LGALS8: variants seen among roughly 807,000 people sequenced by gnomAD.
LGALS8 encodes the protein galectin-8.
In LGALS8, 30 loss-of-function variants were observed where a neutral mutation model predicts 35.9. That is an observed-to-expected ratio of 0.83 (90% CI 0.62 to 1.13). The LOEUF (loss-of-function observed/expected upper bound fraction) is 1.13, where lower values mean the gene tolerates loss of function less well. Among genes scored for constraint, LGALS8 ranks in the 50% most tolerant of loss-of-function variants. LGALS8 has a pLI of 0.00. For missense variants in LGALS8, 366 were observed against 388.7 expected (o/e 0.94, Z 0.49); for synonymous variants, 138 against 136.1 (o/e 1.01, Z -0.10).
intron 5 of LGALS8, chr1:236,541,160 G>A (rs1572013000): frequency 6.2e-6 from 1 of 160,010 alleles, no homozygotes; most frequent in South Asian, 1.9e-4. Context: ...TCCTGCTCTG[G>A]TTGCCTACAG....
At chr1:236,518,240 C>G (rs1283695192), upstream of LGALS8, 1 of 152,130 alleles carries the variant, frequency 6.6e-6, no homozygotes, top group Non-Finnish European at 1.5e-5. Context: ...GTTTCTCCCA[C>G]CTGAAAAGAC....
In LGALS8 at chr1:236,524,020, A is replaced by G; in HGVS notation, c.-145A>G. The G allele has an allele frequency of 2.3e-6, 1 of 428,378 alleles. No individual in the cohort carries two copies. Among genetic ancestry groups the G allele is most frequent in the Non-Finnish European group, 4.7e-6 (1 of 212,108 alleles). The allele number at this position is 428,378 out of a possible 1,614,324, so 26.5% of individuals were successfully genotyped here. ...ACCCTGACGGCACTTAGCTGCTGAC[A>G]AACAACCTGCTCCGTGGAGCGCCTG... On this transcript the variant is annotated 5_prime_UTR_variant, in exon 1 of 10. Transcript: ENST00000366584.
Position 236,544,733 on chromosome 1 carries a change from T to A in LGALS8, c.639-17T>A, listed in dbSNP as rs1558167936. 6.6e-7 allele frequency: 1 copy of A among 1,518,044 alleles called. No individual in the cohort carries two copies. Among genetic ancestry groups the A allele is most frequent in the Non-Finnish European group, 8.9e-7 (1 of 1,121,938 alleles). The allele number at this position is 1,518,044 out of a possible 1,614,324, so 94.0% of individuals were successfully genotyped here. On this transcript the variant is annotated splice_polypyrimidine_tract_variant and intron_variant, in intron 8 of 9. Transcript: ENST00000366584. ...CTTGGTTAATTAAGGTTTTTTTTTTTCTTTCTTTCTCAAAAGCTTTAATGT... is the reference window on the plus strand; with the variant it reads ...CTTGGTTAATTAAGGTTTTTTTTTTACTTTCTTTCTCAAAAGCTTTAATGT...
chr1:236,542,869 C>T, intron 7 of LGALS8, 82 bp downstream of exon 7: 10 of 1,614,096 alleles, frequency 6.2e-6, no homozygotes, highest in Non-Finnish European at 8.5e-6. Context: ...CCGTGGAGGG[C>T]AGCTTCATTC....
At position 236,548,315 on chromosome 1, in the gene LGALS8, T is replaced by A. The variant is rs572714860; in HGVS notation, c.*154T>A. The A allele has an allele frequency of 2.5e-4, 175 of 707,062 alleles. No individual in the cohort carries two copies. The African/African-American group carries it at 2.8e-3, about 11-fold the overall frequency. 43.8% of individuals were successfully genotyped at this position (707,062 alleles called of 1,614,324 possible). On this transcript the variant is annotated 3_prime_UTR_variant, in exon 10 of 10. Coordinates refer to ENST00000366584, the MANE Select transcript of LGALS8 (RefSeq NM_201544.4). ...TGCTGGGTGTTCTCAGTCCTTGCCA[T>A]GAAGTATGGTGGTGTCTAGCACTGA... is the stretch of plus-strand genomic sequence containing the variant.
intron 2 of LGALS8, among the ~76,000 whole-genome samples, chr1:236,529,304 G>A (rs1184467950): frequency 2.0e-5 from 3 of 151,900 alleles, no homozygotes; most frequent in Admixed American, 1.3e-4. Context: ...GTCAGAGTCC[G>A]GGTGCTGCGG....
chr1:236,542,987 G>A, intron 7 of LGALS8, 200 bp downstream of exon 7: 2 of 1,614,158 alleles, frequency 1.2e-6, no homozygotes, highest in Non-Finnish European at 1.7e-6. Flanking sequence ...AGATTCGACT[G>A]TCAATCACAC....
chr1:236,527,120 T>TAACAACAAC (rs3834090), intron 2 of LGALS8, among the ~76,000 whole-genome samples: 9 of 151,372 alleles, frequency 5.9e-5, no homozygotes, highest in Non-Finnish European at 1.3e-4. Context: ...GCAAAGATCT[T>TAACAACAAC]AACAACAACA....
intron 9 of LGALS8, among the ~76,000 whole-genome samples, chr1:236,547,444 T>C (rs1255751205): frequency 5.9e-5 from 9 of 152,148 alleles, no homozygotes; most frequent in Non-Finnish European, 1.2e-4. Flanking sequence ...GTGCTGAGCT[T>C]ATCAGGATCA....
intron 1 of LGALS8, 96 bp downstream of exon 1, chr1:236,524,157 C>T: frequency 2.2e-6 from 1 of 456,668 alleles, no homozygotes; most frequent in Non-Finnish European, 4.4e-6. Context: ...ATTCGGATGT[C>T]ACGGCTCCTA....
rs1198747306 is a variant in LGALS8 at position 236,549,942 on chromosome 1, C to A, written c.*1781C>A. ...AAATGCAAGTTGGCCTTTTGCTTGC[C>A]ACATTTCTGCATTAAACTTCTATAT... is the stretch of plus-strand genomic sequence containing the variant. On this transcript the variant is annotated 3_prime_UTR_variant, in exon 10 of 10. Coordinates refer to ENST00000366584, the MANE Select transcript of LGALS8 (RefSeq NM_201544.4). The A allele has an allele frequency of 6.6e-6, 1 of 152,154 alleles. No homozygotes were observed. The highest frequency in any genetic ancestry group is 1.5e-5 in the Non-Finnish European group (1 of 68,038). The allele number at this position is 152,154 out of a possible 1,614,324, so 9.4% of individuals were successfully genotyped here. A position where few individuals can be genotyped will look rare whatever the true frequency, so the allele number is the denominator to read the frequency against.
chr1:236,534,106 CTGGAAGTTCTAA>C (rs1220728862), intron 2 of LGALS8, among the ~76,000 whole-genome samples: 3 of 152,198 alleles, frequency 2.0e-5, no homozygotes, highest in Non-Finnish European at 4.4e-5. Flanking sequence ...AAAAGCTGAG[CTGGAAGTTCTAA>C]TGGGCAGTTT....
chr1:236,535,316 AT>A (rs1281482510), intron 2 of LGALS8, among the ~76,000 whole-genome samples: 1 of 151,388 alleles, frequency 6.6e-6, no homozygotes, highest in African/African-American at 2.4e-5. Flanking sequence ...TTAATTTTTA[AT>A]TTTTTTGAGT....
At chr1:236,530,056 T>C (rs909395563) in intron 2 of LGALS8, among the ~76,000 whole-genome samples, 2 of 152,260 alleles carry the variant, frequency 1.3e-5, no homozygotes, top group Admixed American at 1.3e-4. Flanking sequence ...GGCAGTTCAT[T>C]ATCTACCTAT....
rs1421353203 is a variant in LGALS8, at chr1:236,539,049, CTT to C, written c.308_309del (p.Phe103Ter). ...GACACGCCTTTCAAAAGAGAAAAGT[CTT>C]TTGAGATCGTGATTATGGTGCTGAA... On this transcript the variant is annotated frameshift_variant, in exon 4 of 10. Coordinates refer to ENST00000366584, the MANE Select transcript of LGALS8 (RefSeq NM_201544.4). LOFTEE classifies it high-confidence loss of function. The C allele has an allele frequency of 2.5e-6, 4 of 1,614,054 alleles. No individual in the cohort carries two copies. Among genetic ancestry groups the C allele is most frequent in the Non-Finnish European group, 3.4e-6 (4 of 1,180,014 alleles).
intron 2 of LGALS8, among the ~76,000 whole-genome samples, chr1:236,529,236 C>G (rs1431607605): frequency 4.6e-5 from 7 of 152,026 alleles, no homozygotes; most frequent in Non-Finnish European, 8.8e-5. Flanking sequence ...GTGAGTTTGA[C>G]ACTGTGCTTC....
chr1:236,520,030 C>T (rs1187301478), upstream of LGALS8, among the ~76,000 whole-genome samples: 2 of 142,920 alleles, frequency 1.4e-5, no homozygotes, highest in Admixed American at 7.3e-5. Context: ...AATCTCAGCT[C>T]ACTGCAACCT....
In LGALS8 at chr1:236,550,824, T is replaced by G; in HGVS notation, c.*2663T>G. On this transcript the variant is annotated 3_prime_UTR_variant, in exon 10 of 10. Transcript: ENST00000366584. ...GTGTATTAAGGCACCAAAAGTAACA[T>G]GGCACCCAACACCCAAAAATAAAAA... 2 of 1,106,120 alleles carry G rather than the reference T, an allele frequency of 1.8e-6. No homozygotes were observed. Among genetic ancestry groups the G allele is most frequent in the Non-Finnish European group, 2.6e-6 (2 of 759,096 alleles). 68.5% of individuals were successfully genotyped at this position (1,106,120 alleles called of 1,614,324 possible).
chr1:236,523,988 G>C lies in LGALS8; in HGVS notation c.-177G>C, dbSNP rs1006099709. ...CCCGTAGCCGCCCACGGACGCCAGA[G>C]CCGGGAACCCTGACGGCACTTAGCT... On this transcript the variant is annotated 5_prime_UTR_variant, in exon 1 of 10. Transcript: ENST00000366584. 2.6e-6 allele frequency: 1 copy of C among 390,548 alleles called. No homozygotes were observed. Among genetic ancestry groups the C allele is most frequent in the African/African-American group, 2.1e-5 (1 of 48,244 alleles). The allele number at this position is 390,548 out of a possible 1,614,324, so 24.2% of individuals were successfully genotyped here. A position where few individuals can be genotyped will look rare whatever the true frequency, so the allele number is the denominator to read the frequency against.
Sources: gnomAD v4.1 joint callset for allele counts (sites outside exome capture counted in the v4.1 genomes callset) on GRCh38, gnomAD v4.1.1 for gene constraint, MANE v1.5 for transcripts, NCBI Gene and HGNC (gene_info 2026-07-23, HGNC 2026-07-21) for gene names.